The following PLXDC2 variants were observed in gnomAD, a reference collection of about 807,000 sequenced individuals.
PLXDC2 encodes the protein plexin domain-containing protein 2.
Under a neutral mutation model 68.9 loss-of-function variants are expected in PLXDC2, and 40 were observed. The ratio of observed to expected loss-of-function variants is 0.58; its 90% CI spans 0.45 to 0.76. The LOEUF (loss-of-function observed/expected upper bound fraction) is 0.76, where lower values mean the gene tolerates loss of function less well. Ranked by LOEUF, PLXDC2 falls within the 30% of genes least tolerant of loss-of-function variation. PLXDC2 has a pLI of 0.00. For synonymous variants in PLXDC2, 243 were observed against 234.2 expected, an observed-to-expected ratio of 1.04 and a Z score of -0.34; for missense variants, 644 against 661.9, an observed-to-expected ratio of 0.97 and a Z score of 0.30.
intron 6 of PLXDC2, among the ~76,000 whole-genome samples, chr10:20,157,300 G>T (rs1174967001): frequency 6.6e-6 from 1 of 152,170 alleles, no homozygotes; most frequent in Non-Finnish European, 1.5e-5. Context: ...AAACAAAAAT[G>T]AGTTTGGAGT....
intron 1 of PLXDC2, among the ~76,000 whole-genome samples, chr10:19,921,680 C>A (rs1159784380): frequency 6.6e-6 from 1 of 152,158 alleles, no homozygotes; most frequent in Non-Finnish European, 1.5e-5. Flanking sequence ...TTTCATGGAG[C>A]CAGTGAGGCT....
intron 1 of PLXDC2, among the ~76,000 whole-genome samples, chr10:19,941,269 A>G (rs1009019880): frequency 2.0e-5 from 3 of 152,210 alleles, no homozygotes; most frequent in African/African-American, 4.8e-5. Context: ...TGTTCTTATC[A>G]TGATGCTACC....
chr10:20,124,202 G>A (rs2131765600), intron 4 of PLXDC2, among the ~76,000 whole-genome samples: 1 of 152,302 alleles, frequency 6.6e-6, no homozygotes, highest in African/African-American at 2.4e-5. Context: ...GGGGAAGGCT[G>A]CCTTCCCTAG....
chr10:20,178,561 G>A (rs1173782881), intron 9 of PLXDC2, among the ~76,000 whole-genome samples: 1 of 152,026 alleles, frequency 6.6e-6, no homozygotes, highest in African/African-American at 2.4e-5. Flanking sequence ...CTGTTAATCC[G>A]TGTATGTTAC....
chr10:20,189,429 A>C (rs1017288014), intron 9 of PLXDC2, among the ~76,000 whole-genome samples: 1 of 145,050 alleles, frequency 6.9e-6, no homozygotes, highest in Non-Finnish European at 1.5e-5. Context: ...GTGTATAATA[A>C]AACCATCGAT....
chr10:19,831,234 A>AT (rs974850309), intron 1 of PLXDC2, among the ~76,000 whole-genome samples: 5 of 151,622 alleles, frequency 3.3e-5, no homozygotes, highest in East Asian at 1.9e-4. Flanking sequence ...TTCTTGGGTG[A>AT]TTTTTTTATC....
chr10:20,140,307 A>G (rs546087948), intron 4 of PLXDC2, among the ~76,000 whole-genome samples: 1 of 152,026 alleles, frequency 6.6e-6, no homozygotes, highest in South Asian at 2.1e-4. Flanking sequence ...TCAAAAAAAT[A>G]AAAATATAAA....
chr10:19,892,372 C>T lies in PLXDC2; in HGVS notation c.112+75181C>T, dbSNP rs145788420. ...TGACTTGGGATTCAAACCCAAGCAGCCTGGCTTCCAAGATCCGCTCTTAAC... is the reference window on the plus strand; with the variant it reads ...TGACTTGGGATTCAAACCCAAGCAGTCTGGCTTCCAAGATCCGCTCTTAAC... On this transcript the variant is annotated intron_variant, in intron 1 of 13. Coordinates refer to ENST00000377252, the MANE Select transcript of PLXDC2 (RefSeq NM_032812.9). Among the ~76,000 whole-genome samples the T allele has an allele frequency of 2.6e-5, 4 of 152,276 alleles. No homozygotes were observed. The East Asian group carries it at 7.7e-4, about 29-fold the overall frequency.
intron 1 of PLXDC2, among the ~76,000 whole-genome samples, chr10:19,820,859 C>T (rs1165440844): frequency 6.6e-6 from 1 of 152,116 alleles, no homozygotes; most frequent in Non-Finnish European, 1.5e-5. Context: ...GGGCGGATCA[C>T]CTGAGGTGAG....
chr10:19,823,711 G>T (rs865943082), intron 1 of PLXDC2, among the ~76,000 whole-genome samples: 1 of 152,104 alleles, frequency 6.6e-6, no homozygotes, highest in Non-Finnish European at 1.5e-5. Flanking sequence ...TTGAGGTGAG[G>T]TTCAGTGGCT....
chr10:20,064,346 G>A (rs553597533), intron 3 of PLXDC2, among the ~76,000 whole-genome samples: 27 of 151,198 alleles, frequency 1.8e-4, no homozygotes, highest in Admixed American at 1.1e-3. Context: ...TCAGCCTCCC[G>A]AATAGCTAGG....
intron 12 of PLXDC2, among the ~76,000 whole-genome samples, chr10:20,234,663 C>CTTTTTTTTTTTT (rs58791520): frequency 1.6e-5 from 2 of 125,412 alleles, no homozygotes; most frequent in African/African-American, 3.0e-5. Context: ...GGGTTTCTTT[C>CTTTTTTTTTTTT]TTTTTTTTTT....
chr10:19,874,807 A>G (rs1837603992), intron 1 of PLXDC2, among the ~76,000 whole-genome samples: 1 of 152,180 alleles, frequency 6.6e-6, no homozygotes, highest in Non-Finnish European at 1.5e-5. Flanking sequence ...GGAAAAGCTG[A>G]GTGCTTGTCT....
At chr10:20,279,670 G>A (rs573055491) in intron 13 of PLXDC2, 33 bp from the exon 14 acceptor site, 14 of 1,559,588 alleles carry the variant, frequency 9.0e-6, no homozygotes, top group African/African-American at 8.1e-5. Flanking sequence ...TTACCCTGAC[G>A]CACATTTTTT....
intron 4 of PLXDC2, among the ~76,000 whole-genome samples, chr10:20,102,454 T>C (rs1474588671): frequency 6.6e-6 from 1 of 152,248 alleles, no homozygotes; most frequent in Non-Finnish European, 1.5e-5. Context: ...CCTTAGTCCA[T>C]AAATCTAATC....
chr10:20,257,768 C>A (rs1835760002), intron 13 of PLXDC2, among the ~76,000 whole-genome samples: 1 of 152,038 alleles, frequency 6.6e-6, no homozygotes, highest in Non-Finnish European at 1.5e-5. Context: ...AGGTGCTATT[C>A]TTTACTTTCC....
intron 13 of PLXDC2, among the ~76,000 whole-genome samples, chr10:20,256,907 T>C (rs967313656): frequency 6.6e-6 from 1 of 152,240 alleles, no homozygotes; most frequent in South Asian, 2.1e-4. Context: ...AAAAGCAGGA[T>C]AGCACTTCTT....
chr10:20,058,572 A>C (rs1193049374), intron 3 of PLXDC2, among the ~76,000 whole-genome samples: 2 of 152,248 alleles, frequency 1.3e-5, no homozygotes, highest in Non-Finnish European at 2.9e-5. Context: ...AATAATTATT[A>C]TGCAAACACT....
intron 1 of PLXDC2, among the ~76,000 whole-genome samples, chr10:19,914,107 GAGGGAGGT>G (rs199851335): frequency 0.046 from 6,909 of 151,014 alleles, 182 homozygotes; most frequent in Middle Eastern, 0.13. Context: ...GGGAAGAAGG[GAGGGAGGT>G]AGGGAGGTAG....
Sources: allele counts gnomAD v4.1 joint callset (sites outside exome capture counted in the v4.1 genomes callset), GRCh38; gene constraint gnomAD v4.1.1; transcripts MANE v1.5; gene names NCBI Gene and HGNC (gene_info 2026-07-23, HGNC 2026-07-21).